Variants in CEP112 observed in about 807,000 individuals in gnomAD.
CEP112 encodes the protein centrosomal protein of 112 kDa.
A neutral mutation model predicts 153.0 loss-of-function variants in CEP112; 127 were observed. The observed-to-expected ratio is 0.83, with a 90% CI of 0.72 to 0.96. The LOEUF (loss-of-function observed/expected upper bound fraction) is 0.96, where lower values mean the gene tolerates loss of function less well. Among genes scored for constraint, CEP112 ranks in the 40% least tolerant of loss-of-function variants. The pLI is 0.00. For missense variants in CEP112, 1,089 were observed against 1,101.2 expected (o/e 0.99, Z 0.16); for synonymous variants, 358 against 374.4 (o/e 0.96, Z 0.51).
At chr17:66,136,309 CGAAAAAGCT>C (rs1568534256) in intron 4 of CEP112, among the ~76,000 whole-genome samples, 1 of 151,818 alleles carries the variant, frequency 6.6e-6, no homozygotes, top group Non-Finnish European at 1.5e-5. Context: ...CCCTGGGGAA[CGAAAAAGCT>C]GAAGCATCTG....
At chr17:66,158,052 C>T (rs2071525106) in intron 4 of CEP112, among the ~76,000 whole-genome samples, 1 of 152,152 alleles carries the variant, frequency 6.6e-6, no homozygotes, top group African/African-American at 2.4e-5. Flanking sequence ...CAGACATCTA[C>T]AGAACTCTCC....
chr17:65,669,919 A>T lies in CEP112; in HGVS notation c.2697+19210T>A, dbSNP rs7208752. ...CTTCGTCTTGAAAAAAAAAAAAAAA[A>T]AGAGAGAAAAATAGAATTATGCTGG... On this transcript the variant is annotated intron_variant, in intron 24 of 26. Coordinates refer to ENST00000535342, the MANE Select transcript of CEP112 (RefSeq NM_001199165.4). Among the ~76,000 whole-genome samples, 2 of 151,342 alleles carry T rather than the reference A, an allele frequency of 1.3e-5. 1 individual carries two copies. Among genetic ancestry groups the T allele is most frequent in the South Asian group, 4.2e-4 (2 of 4,806 alleles).
chr17:66,133,666 A>G (rs764603700), intron 4 of CEP112, among the ~76,000 whole-genome samples: 4 of 152,178 alleles, frequency 2.6e-5, no homozygotes, highest in Non-Finnish European at 4.4e-5. Context: ...ATGAACACCT[A>G]TTCTCTGAAC....
intron 6 of CEP112, among the ~76,000 whole-genome samples, chr17:66,110,256 T>C (rs957594228): frequency 1.3e-5 from 2 of 150,836 alleles, no homozygotes; most frequent in African/African-American, 2.4e-5. Context: ...CACTTGAACC[T>C]GGGAGGCGGA....
intron 21 of CEP112, among the ~76,000 whole-genome samples, chr17:65,842,896 G>GT (rs997690389): frequency 3.4e-4 from 51 of 151,344 alleles, no homozygotes; most frequent in Admixed American, 9.9e-4. Flanking sequence ...ATTTTTTAAG[G>GT]TTTTTTTTGG....
chr17:65,853,698 C>T (rs1230191254), intron 20 of CEP112, among the ~76,000 whole-genome samples: 2 of 150,156 alleles, frequency 1.3e-5, no homozygotes. Context: ...ACTGCACTCC[C>T]GCCTGGGCAA....
intron 8 of CEP112, among the ~76,000 whole-genome samples, chr17:66,086,522 G>A (rs1598323358): frequency 6.7e-6 from 1 of 149,566 alleles, no homozygotes; most frequent in Non-Finnish European, 1.5e-5. Flanking sequence ...TCCTGCCTCA[G>A]CCTCCTGAGT....
At chr17:66,016,628 A>C (rs1461548742) in intron 16 of CEP112, among the ~76,000 whole-genome samples, 5 of 152,130 alleles carry the variant, frequency 3.3e-5, no homozygotes, top group African/African-American at 1.2e-4. Context: ...GATATGTTAC[A>C]TGGGAAACCA....
chr17:65,909,573 C>T (rs1278019904), intron 19 of CEP112, among the ~76,000 whole-genome samples: 1 of 152,176 alleles, frequency 6.6e-6, no homozygotes, highest in Non-Finnish European at 1.5e-5. Flanking sequence ...AGGAGAATAA[C>T]CATATTCCAA....
intron 12 of CEP112, among the ~76,000 whole-genome samples, chr17:66,049,741 C>A (rs2066362247): frequency 6.6e-6 from 1 of 152,048 alleles, no homozygotes; most frequent in African/African-American, 2.4e-5. Context: ...CAGAGTGAAA[C>A]TTCATCTCAA....
chr17:66,032,280 C>A (rs2065519721), intron 12 of CEP112, among the ~76,000 whole-genome samples: 2 of 151,164 alleles, frequency 1.3e-5, no homozygotes, highest in African/African-American at 2.4e-5. Context: ...GCGTTACAGG[C>A]ATGAGCCACT....
intron 4 of CEP112, among the ~76,000 whole-genome samples, chr17:66,162,147 T>A (rs892287530): frequency 6.6e-6 from 1 of 152,068 alleles, no homozygotes; most frequent in African/African-American, 2.4e-5. Context: ...AGACAAACCA[T>A]TTTTTCCATA....
At chr17:66,162,671 A>G (rs933989151) in intron 4 of CEP112, among the ~76,000 whole-genome samples, 1 of 152,202 alleles carries the variant, frequency 6.6e-6, no homozygotes, top group African/African-American at 2.4e-5. Context: ...AAAAGGGAAC[A>G]CGCTTTATGA....
intron 21 of CEP112, among the ~76,000 whole-genome samples, chr17:65,773,000 T>C (rs4791133): frequency 0.48 from 72,600 of 151,662 alleles, 19,017 homozygotes; most frequent in East Asian, 0.78. Context: ...GTGTTACACA[T>C]ATGAATGAAT....
intron 17 of CEP112, among the ~76,000 whole-genome samples, chr17:65,991,987 A>T (rs2063612794): frequency 6.6e-6 from 1 of 151,500 alleles, no homozygotes; most frequent in Non-Finnish European, 1.5e-5. Context: ...TTTTAATACA[A>T]CTTCATCCAA....
At chr17:66,146,606 A>C (rs1272166824) in intron 4 of CEP112, among the ~76,000 whole-genome samples, 1 of 152,106 alleles carries the variant, frequency 6.6e-6, no homozygotes, top group Non-Finnish European at 1.5e-5. Flanking sequence ...AATAATCTCC[A>C]CCATCTGTCT....
intron 1 of CEP112, among the ~76,000 whole-genome samples, chr17:66,184,170 T>C (rs1484080216): frequency 6.6e-6 from 1 of 151,988 alleles, no homozygotes. Flanking sequence ...GGTGGGAGAA[T>C]TGTTTGAAAG....
chr17:65,710,634 G>A (rs1463318945), intron 23 of CEP112, among the ~76,000 whole-genome samples: 3 of 152,078 alleles, frequency 2.0e-5, no homozygotes, highest in East Asian at 3.9e-4. Flanking sequence ...AGATACTTTC[G>A]TCACAAACCT....
chr17:66,143,913 A>C (rs1021435817), intron 4 of CEP112, among the ~76,000 whole-genome samples: 4 of 152,194 alleles, frequency 2.6e-5, no homozygotes, highest in Non-Finnish European at 5.9e-5. Context: ...TATCATTGCA[A>C]TCTGCCTCCT....
Sources: allele counts gnomAD v4.1 joint callset (sites outside exome capture counted in the v4.1 genomes callset), GRCh38; gene constraint gnomAD v4.1.1; transcripts MANE v1.5; gene names NCBI Gene and HGNC (gene_info 2026-07-23, HGNC 2026-07-21).